The following SPATA2L variants were observed in gnomAD, a reference collection of about 807,000 sequenced individuals.
SPATA2L encodes the protein spermatogenesis-associated protein 2-like protein.
A neutral mutation model predicts 8.7 loss-of-function variants in SPATA2L; 5 were observed. That is an observed-to-expected ratio of 0.57 (90% confidence interval 0.30 to 1.21). The LOEUF (loss-of-function observed/expected upper bound fraction) is 1.21. SPATA2L is among the 50% of genes most tolerant of loss of function. The pLI, the probability that SPATA2L is intolerant of heterozygous loss-of-function variation, is 0.07. For missense variants in SPATA2L, 671 were observed against 591.0 expected, an observed-to-expected ratio of 1.14 and a Z score of -1.40; for synonymous variants, 358 against 275.8, an observed-to-expected ratio of 1.30 and a Z score of -2.95.
rs911342789 is a variant in SPATA2L at position 89,700,940 on chromosome 16, G to A, written c.293C>T (p.Thr98Ile). 1.3e-6 allele frequency: 2 copies of A among 1,489,294 alleles called. No homozygotes were observed. Among genetic ancestry groups the A allele is most frequent in the Non-Finnish European group, 1.8e-6 (2 of 1,116,942 alleles). 92.3% of individuals were successfully genotyped at this position (1,489,294 alleles called of 1,614,324 possible). The stretch of plus-strand genomic sequence containing the variant: ...TGGCCTGGCGCCTACCTTGATGGTG[G>A]TGAACTCCTTCCTCCAGGGCAGCAG... ...LYLLPWRKEFTTIKTFSGGYV... is the reference protein window; with the variant it reads ...LYLLPWRKEFITIKTFSGGYV... Residue 98 changes from threonine (T) to isoleucine (I), a missense_variant, in exon 2 of 3, where the codon ACC becomes ATC. Coordinates refer to ENST00000289805, the MANE Select transcript of SPATA2L (RefSeq NM_152339.4).
Position 89,701,089 on chromosome 16 carries a change from C to T in SPATA2L, c.144G>A (p.Ala48=), listed in dbSNP as rs1237531325. The T allele has an allele frequency of 1.3e-6, 2 of 1,568,340 alleles. No individual in the cohort carries two copies. The highest frequency in any genetic ancestry group is 1.4e-5 in the African/African-American group (1 of 73,126). The change falls in exon 2 of 3, where the codon GCG becomes GCA. Residue 48 remains alanine, a synonymous_variant. Transcript: ENST00000289805. ...ILVEDFDLHG[A]LQDDALALLT... ...GCAGAGCCAGCGCGTCGTCCTGCAG[C>T]GCCCCGTGCAGGTCGAAGTCCTCCA... is the stretch of plus-strand genomic sequence containing the variant.
chr16:89,699,199 C>G (rs2060758774), intron 2 of SPATA2L, among the ~76,000 whole-genome samples: 1 of 152,228 alleles, frequency 6.6e-6, no homozygotes, highest in South Asian at 2.1e-4. Flanking sequence ...TCCCACCGCT[C>G]CCTTCACCCC....
chr16:89,696,806 T>A lies in SPATA2L; in HGVS notation c.*528A>T, dbSNP rs4247353. 7 of 1,533,770 alleles carry A rather than the reference T, an allele frequency of 4.6e-6. No individual in the cohort carries two copies. In the South Asian group the frequency reaches 8.4e-5, roughly 18 times the overall value. Reference sequence around the variant, plus strand: ...GTGACACCCAAGGGGAGGGCCGGCGTCCCCGAAGCCAGGTCAGCCGTGCAC... The same window carrying A: ...GTGACACCCAAGGGGAGGGCCGGCGACCCCGAAGCCAGGTCAGCCGTGCAC... On this transcript the variant is annotated 3_prime_UTR_variant, in exon 3 of 3. Transcript: ENST00000289805.
intron 2 of SPATA2L, 97 bp downstream of exon 2, chr16:89,700,833 A>G: frequency 7.7e-7 from 1 of 1,304,688 alleles, no homozygotes; most frequent in African/African-American, 1.6e-5. Context: ...GGACACTTGA[A>G]GCCCCTCTCT....
chr16:89,701,203 G>A lies in SPATA2L; in HGVS notation c.30C>T (p.Tyr10=), dbSNP rs2060773806. 2.1e-6 allele frequency: 3 copies of A among 1,461,044 alleles called. No homozygotes were observed. Among genetic ancestry groups the A allele is most frequent in the Admixed American group, 2.3e-5 (1 of 43,214 alleles). 90.5% of individuals were successfully genotyped at this position (1,461,044 alleles called of 1,614,324 possible). ...GCAGCTCGCGCTCCAGGCACTGGCG[G>A]TAGTCCTCGGACAGCGAGCTGCTGC... MGSSSLSED[Y]RQCLERELRR... Residue 10 remains tyrosine (Y), a synonymous_variant, in exon 2 of 3, where the codon TAC becomes TAT. Coordinates refer to ENST00000289805, the MANE Select transcript of SPATA2L (RefSeq NM_152339.4).
rs2060749640 is a variant in SPATA2L at position 89,698,150 on chromosome 16, C to G, written c.459G>C (p.Leu153=). 2.5e-6 allele frequency: 4 copies of G among 1,611,816 alleles called. No individual in the cohort carries two copies. Among genetic ancestry groups the G allele is most frequent in the Non-Finnish European group, 3.4e-6 (4 of 1,179,556 alleles). ...PPACQLVQVA[L]GCFALRLECE... is the part of the protein sequence containing the mutation. The stretch of plus-strand genomic sequence containing the variant: ...ACTCCAGCCGGAGGGCGAAGCAGCC[C>G]AGGGCCACCTGCACCAGCTGGCAGG... Residue 153 remains leucine (L), a synonymous_variant, in exon 3 of 3, where the codon CTG becomes CTC. Coordinates refer to ENST00000289805, the MANE Select transcript of SPATA2L (RefSeq NM_152339.4).
rs191039052 is a variant in SPATA2L, at chr16:89,700,272, C to G, written c.303+658G>C. On this transcript the variant is annotated intron_variant, in intron 2 of 2. Coordinates refer to ENST00000289805, the MANE Select transcript of SPATA2L (RefSeq NM_152339.4). Reference sequence around the variant, plus strand: ...CCTGGCGCCTCCGACCAGCAGGTGTCCCCGGGGAGCCGCGGAGAGACTGCC... The same window carrying G: ...CCTGGCGCCTCCGACCAGCAGGTGTGCCCGGGGAGCCGCGGAGAGACTGCC... Among the ~76,000 whole-genome samples, 177 of 152,322 alleles carry G rather than the reference C, an allele frequency of 1.2e-3. 1 individual carries two copies. Among genetic ancestry groups the G allele is most frequent in the African/African-American group, 4.2e-3 (174 of 41,590 alleles).
At position 89,696,396 on chromosome 16, in the gene SPATA2L, C is replaced by T; in HGVS notation, c.*938G>A. 4.1e-6 allele frequency: 1 copy of T among 243,864 alleles called. No homozygotes were observed. Among genetic ancestry groups the T allele is most frequent in the South Asian group, 9.6e-5 (1 of 10,458 alleles). 15.1% of individuals were successfully genotyped at this position (243,864 alleles called of 1,614,324 possible). On this transcript the variant is annotated 3_prime_UTR_variant, in exon 3 of 3. Coordinates refer to ENST00000289805, the MANE Select transcript of SPATA2L (RefSeq NM_152339.4). ...TTTAATGTGCTCTGATGTTGACCGT[C>T]CCTCTGAGTGTTCTGGGGAGGAGGG...
intron 2 of SPATA2L, among the ~76,000 whole-genome samples, chr16:89,698,697 T>G (rs1008574746): frequency 7.3e-5 from 11 of 151,206 alleles, no homozygotes; most frequent in Non-Finnish European, 1.3e-4. Flanking sequence ...ATGTTGGCCA[T>G]GCTGGTCTCA....
In SPATA2L at chr16:89,696,897, G is replaced by C. The variant is rs1258696846; in HGVS notation, c.*437C>G. ...TGGGGGGAGCTCGGTGTCACCAACA[G>C]GCCCTTGAGGACACTCGTGTGGAGA... is the stretch of plus-strand genomic sequence containing the variant. On this transcript the variant is annotated 3_prime_UTR_variant, in exon 3 of 3. Transcript: ENST00000289805. 2.0e-6 allele frequency: 3 copies of C among 1,533,284 alleles called. No individual in the cohort carries two copies. The highest frequency in any genetic ancestry group is 2.4e-5 in the East Asian group (1 of 40,892). The allele number at this position is 1,533,284 out of a possible 1,614,324, so 95.0% of individuals were successfully genotyped here.
chr16:89,697,350 G>A lies in SPATA2L; in HGVS notation c.1259C>T (p.Pro420Leu). 2.6e-6 allele frequency: 4 copies of A among 1,524,196 alleles called. No homozygotes were observed. Among genetic ancestry groups the A allele is most frequent in the Non-Finnish European group, 2.6e-6 (3 of 1,134,866 alleles). 94.4% of individuals were successfully genotyped at this position (1,524,196 alleles called of 1,614,324 possible). Residue 420 changes from proline (P) to leucine (L), a missense_variant, in exon 3 of 3, where the codon CCC becomes CTC. By Grantham distance (98) the Pro-to-Leu change is moderately conservative (BLOSUM62 -3). Transcript: ENST00000289805. ...CCAGCTGGCCTAGGGCCGGGCCCCG[G>A]GGCTGTTGTAGAGCAGAGTGTCCAT... ...AQMDTLLYNS[P>L]GARP
At position 89,698,574 on chromosome 16, in the gene SPATA2L, G is replaced by C. The variant is rs9972861; in HGVS notation, c.304-269C>G. On this transcript the variant is annotated intron_variant, in intron 2 of 2. Transcript: ENST00000289805. ...CATCTCAGCTCACTGCAGCCTCTGCGTCCCAGGTTCAAGCAAGTTCCCCTG... is the reference window on the plus strand; with the variant it reads ...CATCTCAGCTCACTGCAGCCTCTGCCTCCCAGGTTCAAGCAAGTTCCCCTG... 0.013 allele frequency among the ~76,000 whole-genome samples: 1,696 copies of C among 131,374 alleles called. 164 individuals carry two copies. In the East Asian group the frequency reaches 0.25, roughly 19 times the overall value. 86.2% of individuals were successfully genotyped at this position (131,374 alleles called of 152,430 possible).
intron 2 of SPATA2L, 120 bp downstream of exon 2, chr16:89,700,810 C>A (rs942754278): frequency 4.4e-6 from 5 of 1,146,810 alleles, no homozygotes; most frequent in Non-Finnish European, 5.8e-6. Flanking sequence ...TTGAGGAGCC[C>A]ACCAGGCACT....
intron 1 of SPATA2L, 145 bp from the exon 2 acceptor site, chr16:89,701,378 G>C (rs1451146524): frequency 2.6e-6 from 2 of 759,472 alleles, no homozygotes; most frequent in Non-Finnish European, 3.8e-6. Context: ...CGGTATCTTC[G>C]GCACCCCCTA....
In SPATA2L at chr16:89,697,100, A is replaced by C; in HGVS notation, c.*234T>G. The C allele has an allele frequency of 7.3e-7, 1 of 1,375,796 alleles. No individual in the cohort carries two copies. 85.2% of individuals were successfully genotyped at this position (1,375,796 alleles called of 1,614,324 possible). ...CATGTGGGCATGCGTCTGGGTTCCG[A>C]GGGTGGGGAAATGTGGAAAGGCTCC... On this transcript the variant is annotated 3_prime_UTR_variant, in exon 3 of 3. Coordinates refer to ENST00000289805, the MANE Select transcript of SPATA2L (RefSeq NM_152339.4).
In SPATA2L at chr16:89,699,600, G is replaced by A. The variant is rs191464587; in HGVS notation, c.304-1295C>T. On this transcript the variant is annotated intron_variant, in intron 2 of 2. Coordinates refer to ENST00000289805, the MANE Select transcript of SPATA2L (RefSeq NM_152339.4). ...GGAGTCTCACTCTGTCACCAGGATGGAGTGCAGTGGCTCGATCTCTGCTCA... is the reference window on the plus strand; with the variant it reads ...GGAGTCTCACTCTGTCACCAGGATGAAGTGCAGTGGCTCGATCTCTGCTCA... Among the ~76,000 whole-genome samples the A allele has an allele frequency of 3.2e-3, 485 of 151,722 alleles. 3 individuals carry two copies. The highest frequency in any genetic ancestry group is 4.8e-3 in the Non-Finnish European group (324 of 67,900).
At position 89,700,925 on chromosome 16, in the gene SPATA2L, C is replaced by T; in HGVS notation, c.303+5G>A. On this transcript the variant is annotated splice_donor_5th_base_variant and intron_variant, in intron 2 of 2. Transcript: ENST00000289805. ...GGGGCGCGCTCCTCCTGGCCTGGCG[C>T]CTACCTTGATGGTGGTGAACTCCTT... 2 of 1,453,188 alleles carry T rather than the reference C, an allele frequency of 1.4e-6. No homozygotes were observed. Among genetic ancestry groups the T allele is most frequent in the South Asian group, 1.4e-5 (1 of 70,504 alleles). The allele number at this position is 1,453,188 out of a possible 1,614,324, so 90.0% of individuals were successfully genotyped here. A position where few individuals can be genotyped will look rare whatever the true frequency, so the allele number is the denominator to read the frequency against.
At position 89,697,400 on chromosome 16, in the gene SPATA2L, C is replaced by T. The variant is rs1442820632; in HGVS notation, c.1209G>A (p.Arg403=). 1 of 1,598,660 alleles carries T rather than the reference C, an allele frequency of 6.3e-7. No homozygotes were observed. The highest frequency in any genetic ancestry group is 8.5e-7 in the Non-Finnish European group (1 of 1,172,120). ...SLRVLLGDAQ[R]RLWLQRAQMD... is the part of the protein sequence containing the mutation. ...TCTGTGCACGCTGTAGCCACAAGCGCCGCTGGGCGTCGCCAAGCAGCACAC... is the reference window on the plus strand; with the variant it reads ...TCTGTGCACGCTGTAGCCACAAGCGTCGCTGGGCGTCGCCAAGCAGCACAC... Residue 403 remains arginine, a synonymous_variant, in exon 3 of 3, where the codon CGG becomes CGA. Coordinates refer to ENST00000289805, the MANE Select transcript of SPATA2L (RefSeq NM_152339.4).
chr16:89,697,169 C>A lies in SPATA2L; in HGVS notation c.*165G>T. 1 of 1,381,142 alleles carries A rather than the reference C, an allele frequency of 7.2e-7. No individual in the cohort carries two copies. The allele number at this position is 1,381,142 out of a possible 1,614,324, so 85.6% of individuals were successfully genotyped here. On this transcript the variant is annotated 3_prime_UTR_variant, in exon 3 of 3. Transcript: ENST00000289805. ...TGCTGCCCTTGGAGCCTTCCATATA[C>A]AGAGAGTCCCACCTCCAGCAAGGGT...
Sources: allele counts gnomAD v4.1 joint callset (sites outside exome capture counted in the v4.1 genomes callset), GRCh38; gene constraint gnomAD v4.1.1; transcripts MANE v1.5; gene names NCBI Gene and HGNC (gene_info 2026-07-23, HGNC 2026-07-21).